The following LARP7 variants were observed in gnomAD, a reference collection of about 807,000 sequenced individuals.
LARP7 encodes la-related protein 7.
A neutral mutation model predicts 69.3 loss-of-function variants in LARP7; 52 were observed. That is an observed-to-expected ratio of 0.75 (90% CI 0.60 to 0.95). The LOEUF (loss-of-function observed/expected upper bound fraction) is 0.95. LARP7 is among the 40% of genes least tolerant of loss of function. The pLI is 0.00. For synonymous variants in LARP7, 254 were observed against 215.9 expected (o/e 1.18, Z -1.55); for missense variants, 733 against 673.0 (o/e 1.09, Z -0.99).
rs900175358 is a variant in LARP7 at position 112,647,535 on chromosome 4, C to A, written c.983C>A (p.Ser328Tyr). ...ATCATTAAGGAAGCATCAGAAGCTTCCAAGGAAAATAGAGGTAAAACTACA... is the reference window on the plus strand; with the variant it reads ...ATCATTAAGGAAGCATCAGAAGCTTACAAGGAAAATAGAGGTAAAACTACA... ...KDIIKEASEASKENRDIEIST... is the reference protein window; with the variant it reads ...KDIIKEASEAYKENRDIEIST... Residue 328 changes from serine to tyrosine, a missense_variant, in exon 7 of 13, where the codon TCC becomes TAC. Physicochemically the swap from Ser to Tyr is moderately radical, Grantham distance 144. Transcript: ENST00000344442. The A allele has an allele frequency of 1.6e-5, 26 of 1,600,538 alleles. No individual in the cohort carries two copies. Among genetic ancestry groups the A allele is most frequent in the South Asian group, 2.3e-5 (2 of 88,462 alleles).
chr4:112,644,213 G>T (rs367773792), intron 1 of LARP7: 1 of 175,886 alleles, frequency 5.7e-6, no homozygotes, highest in Non-Finnish European at 1.1e-5. Flanking sequence ...CTGCACTCCA[G>T]CCTGCACAAC....
chr4:112,642,781 C>G (rs1255633112), intron 1 of LARP7, among the ~76,000 whole-genome samples: 3 of 152,224 alleles, frequency 2.0e-5, no homozygotes, highest in African/African-American at 7.2e-5. Flanking sequence ...GTATTTAGGA[C>G]ACTTTGACAC....
rs760231325 is a variant in LARP7, at chr4:112,649,558, AAG to A, written c.1169_1170del (p.Glu390ValfsTer8). 1.2e-6 allele frequency: 2 copies of A among 1,601,928 alleles called. No homozygotes were observed. Among genetic ancestry groups the A allele is most frequent in the South Asian group, 1.1e-5 (1 of 89,154 alleles). On this transcript the variant is annotated frameshift_variant, in exon 9 of 13. Coordinates refer to ENST00000344442, the MANE Select transcript of LARP7 (RefSeq NM_016648.4). LOFTEE classifies it high-confidence loss of function. ...AGGAGCGAATGGATGGATTTGAAAA[AAG>A]AGTATTTAGCGCTACAAAAAGCTAG...
Position 112,647,754 on chromosome 4 carries a change from A to C in LARP7, c.1062A>C (p.Lys354Asn), listed in dbSNP as rs1276660431. ...TGDLKDSSLLKTKRKHKKKHK... is the reference protein window; with the variant it reads ...TGDLKDSSLLNTKRKHKKKHK... ...ATCTAAAAGATAGCTCTCTCTTGAA[A>C]ACAAAAAGGAAACATAAGAAAAAAC... The change falls in exon 8 of 13, where the codon AAA becomes AAC. Residue 354 changes from lysine to asparagine, a missense_variant. Lys to Asn is a moderately conservative substitution (Grantham distance 94, BLOSUM62 0). Coordinates refer to ENST00000344442, the MANE Select transcript of LARP7 (RefSeq NM_016648.4). The C allele has an allele frequency of 6.3e-7, 1 of 1,575,510 alleles. No homozygotes were observed. Among genetic ancestry groups the C allele is most frequent in the East Asian group, 2.2e-5 (1 of 44,632 alleles).
chr4:112,644,594 GCTAAT>G (rs1355970066), intron 1 of LARP7, 69 bp from the exon 2 acceptor site: 4 of 1,206,890 alleles, frequency 3.3e-6, no homozygotes, highest in East Asian at 5.3e-5. Context: ...ACAGTTAAAG[GCTAAT>G]CTAAATATTT....
At chr4:112,644,311 A>C in intron 1 of LARP7, 1 of 263,312 alleles carries the variant, frequency 3.8e-6, no homozygotes, top group Non-Finnish European at 6.9e-6. Flanking sequence ...TGCGATGGAG[A>C]GGAGGGGGTG....
At chr4:112,639,365 A>G (rs1010648006) in intron 1 of LARP7, among the ~76,000 whole-genome samples, 1 of 151,732 alleles carries the variant, frequency 6.6e-6, no homozygotes, top group African/African-American at 2.4e-5. Flanking sequence ...GCCTGCCACC[A>G]TGCCCGGCTA....
At chr4:112,647,001 G>C (rs2048312304) in intron 5 of LARP7, 33 bp from the exon 6 acceptor site, 2 of 1,580,998 alleles carry the variant, frequency 1.3e-6, no homozygotes. Flanking sequence ...AAGAAAACAA[G>C]TATTAAAATA....
At chr4:112,644,426 A>G (rs1485582826) in intron 1 of LARP7, 2 of 1,093,420 alleles carry the variant, frequency 1.8e-6, no homozygotes, top group Non-Finnish European at 2.4e-6. Context: ...TTATTCTAGG[A>G]TAATCTGGCC....
rs2048347008 is a variant in LARP7, at chr4:112,647,340, T to C, written c.788T>C (p.Ile263Thr). The C allele has an allele frequency of 2.5e-6, 4 of 1,614,070 alleles. No homozygotes were observed. Among genetic ancestry groups the C allele is most frequent in the Non-Finnish European group, 3.4e-6 (4 of 1,180,018 alleles). Residue 263 changes from isoleucine (I) to threonine (T), a missense_variant, in exon 7 of 13, where the codon ATT becomes ACT. Ile to Thr is a moderately conservative substitution (Grantham distance 89). Coordinates refer to ENST00000344442, the MANE Select transcript of LARP7 (RefSeq NM_016648.4). ...AGACCCACATCTGAGGGCTCTGACA[T>C]TGAGTCCACTGAACCCCAAAAGCAG... ...RSRPTSEGSD[I>T]ESTEPQKQCS... is the part of the protein sequence containing the mutation.
intron 8 of LARP7, chr4:112,648,703 AG>A (rs2048528859): frequency 2.9e-6 from 1 of 346,658 alleles, no homozygotes; most frequent in African/African-American, 2.1e-5. Context: ...GAAGGGTAAA[AG>A]GCAGGGACTT....
rs1310211815 is a variant in LARP7, at chr4:112,657,321, T to C, written c.1743T>C (p.Tyr581=). The C allele has an allele frequency of 6.4e-6, 10 of 1,564,414 alleles. No individual in the cohort carries two copies. Among genetic ancestry groups the C allele is most frequent in the Admixed American group, 1.8e-5 (1 of 54,220 alleles). ...QASKHIRFSE[Y]D ...GTAAACATATAAGATTTTCTGAATA[T>C]GATTGAAAAAAAAAACAGTTCACCT... The change falls in exon 13 of 13, where the codon TAT becomes TAC. Residue 581 remains tyrosine, a synonymous_variant. Coordinates refer to ENST00000344442, the MANE Select transcript of LARP7 (RefSeq NM_016648.4).
chr4:112,646,481 TTTATAGTTTATAA>T lies in LARP7; in HGVS notation c.303+36_303+48del, dbSNP rs749566948. Reference sequence around the variant, plus strand: ...GAATCAAGAATAACTACTGTTTATATTTATAGTTTATAATTATAAAGAATGTTAACGTAATGAT... The same window carrying T: ...GAATCAAGAATAACTACTGTTTATATTTATAAAGAATGTTAACGTAATGAT... On this transcript the variant is annotated intron_variant, in intron 3 of 12. Transcript: ENST00000344442. 1.9e-4 allele frequency: 258 copies of T among 1,332,894 alleles called. 1 individual carries two copies. Among genetic ancestry groups the T allele is most frequent in the Non-Finnish European group, 2.6e-4 (244 of 953,092 alleles). The allele number at this position is 1,332,894 out of a possible 1,614,324, so 82.6% of individuals were successfully genotyped here. A position where few individuals can be genotyped will look rare whatever the true frequency, so the allele number is the denominator to read the frequency against.
chr4:112,656,340 G>A (rs113566548), intron 12 of LARP7, among the ~76,000 whole-genome samples: 3,201 of 152,268 alleles, frequency 0.021, 123 homozygotes, highest in African/African-American at 0.072. Flanking sequence ...GGAGGTTGCA[G>A]TGAGCCAAGA....
chr4:112,645,616 C>T, intron 2 of LARP7: 1 of 455,774 alleles, frequency 2.2e-6, no homozygotes, highest in South Asian at 1.5e-5. Flanking sequence ...CCCCTCAGCC[C>T]CACCCAAGCG....
At chr4:112,644,425 G>T in intron 1 of LARP7, 1 of 1,083,622 alleles carries the variant, frequency 9.2e-7, no homozygotes, top group Non-Finnish European at 1.2e-6. Context: ...ATTATTCTAG[G>T]ATAATCTGGC....
intron 7 of LARP7, 62 bp downstream of exon 7, chr4:112,647,611 A>T: frequency 6.8e-6 from 10 of 1,470,714 alleles, no homozygotes; most frequent in Non-Finnish European, 9.0e-6. Context: ...GTTTTTAATT[A>T]ATTAGGTTTT....
At chr4:112,638,276 A>G (rs1473322679) in intron 1 of LARP7, among the ~76,000 whole-genome samples, 1 of 152,236 alleles carries the variant, frequency 6.6e-6, no homozygotes, top group African/African-American at 2.4e-5. Context: ...AGCCTGGGCC[A>G]CTGAGAGAGG....
Position 112,643,290 on chromosome 4 carries a change from G to T in LARP7, c.-2-1378G>T, listed in dbSNP as rs903569732. Among the ~76,000 whole-genome samples, 5 of 152,318 alleles carry T rather than the reference G, an allele frequency of 3.3e-5. No individual in the cohort carries two copies. The East Asian group carries it at 5.8e-4, about 18-fold the overall frequency. On this transcript the variant is annotated intron_variant, in intron 1 of 12. Coordinates refer to ENST00000344442, the MANE Select transcript of LARP7 (RefSeq NM_016648.4). ...ATTTGCATTATTAAATATGATTGTG[G>T]GAGGGGACCGCACTGAGGTGACATT...
Sources: allele counts gnomAD v4.1 joint callset (sites outside exome capture counted in the v4.1 genomes callset), GRCh38; gene constraint gnomAD v4.1.1; transcripts MANE v1.5; gene names NCBI Gene and HGNC (gene_info 2026-07-23, HGNC 2026-07-21).